The following SLC1A3 variants were observed in gnomAD, a reference collection of about 807,000 sequenced individuals.
SLC1A3 encodes the protein excitatory amino acid transporter 1.
Under a neutral mutation model 48.1 loss-of-function variants are expected in SLC1A3, and 21 were observed. The observed-to-expected ratio is 0.44, with a 90% CI of 0.31 to 0.63. The LOEUF is 0.63. Among genes scored for constraint, SLC1A3 ranks in the 20% least tolerant of loss-of-function variants. The pLI is 0.08. For synonymous variants in SLC1A3, 239 were observed against 251.4 expected, an observed-to-expected ratio of 0.95 and a Z score of 0.47; for missense variants, 546 against 689.0, an observed-to-expected ratio of 0.79 and a Z score of 2.32.
At chr5:36,683,787 T>G (rs1390362640) in intron 8 of SLC1A3, 77 bp from the exon 9 acceptor site, 1 of 1,503,632 alleles carries the variant, frequency 6.7e-7, no homozygotes, top group Non-Finnish European at 9.3e-7. Flanking sequence ...ATCGGCACCG[T>G]GCGTATTTTG....
At chr5:36,600,285 T>C (rs1296707925) in intron 1 of SLC1A3, among the ~76,000 whole-genome samples, 1 of 152,096 alleles carries the variant, frequency 6.6e-6, no homozygotes, top group Non-Finnish European at 1.5e-5. Flanking sequence ...TGTTTCATCA[T>C]GAGATTTGAT....
intron 2 of SLC1A3, among the ~76,000 whole-genome samples, chr5:36,627,164 CA>C (rs1739937546): frequency 6.6e-6 from 1 of 152,120 alleles, no homozygotes; most frequent in Non-Finnish European, 1.5e-5. Flanking sequence ...TATACACACA[CA>C]CACACGTACG....
intron 3 of SLC1A3, among the ~76,000 whole-genome samples, chr5:36,647,314 AC>A (rs1385263835): frequency 6.6e-6 from 1 of 152,186 alleles, no homozygotes; most frequent in African/African-American, 2.4e-5. Flanking sequence ...TCATAATGAA[AC>A]CTACTTAGAG....
At chr5:36,632,853 T>C (rs938812488) in intron 3 of SLC1A3, among the ~76,000 whole-genome samples, 3 of 152,242 alleles carry the variant, frequency 2.0e-5, no homozygotes, top group African/African-American at 7.2e-5. Context: ...ATAGCCCTTG[T>C]AAGCCATGTT....
chr5:36,680,356 A>G (rs2111970272), intron 7 of SLC1A3, 39 bp from the exon 8 acceptor site: 2 of 1,555,642 alleles, frequency 1.3e-6, no homozygotes, highest in Middle Eastern at 1.8e-4. Flanking sequence ...CAGAACTACC[A>G]GGACACTCAG....
intron 2 of SLC1A3, among the ~76,000 whole-genome samples, chr5:36,621,404 G>T (rs781490750): frequency 5.9e-5 from 9 of 152,122 alleles, no homozygotes; most frequent in Non-Finnish European, 1.0e-4. Flanking sequence ...AGGGGGGCTT[G>T]CCAGGAGCAC....
chr5:36,623,014 C>CAA (rs1158762437), intron 2 of SLC1A3, among the ~76,000 whole-genome samples: 538 of 51,644 alleles, frequency 0.01, 7 homozygotes, highest in Non-Finnish European at 0.017. Flanking sequence ...TCCATCATCT[C>CAA]AAAAAAAAAA....
At chr5:36,628,401 G>A (rs534756473) in intron 2 of SLC1A3, among the ~76,000 whole-genome samples, 9 of 152,128 alleles carry the variant, frequency 5.9e-5, no homozygotes, top group African/African-American at 1.9e-4. Context: ...TATCATTCCC[G>A]CTTCTCCCCA....
intron 2 of SLC1A3, among the ~76,000 whole-genome samples, chr5:36,612,582 C>A (rs1484830883): frequency 2.0e-5 from 3 of 147,972 alleles, no homozygotes; most frequent in Non-Finnish European, 4.5e-5. Context: ...GAGCGAGACC[C>A]TGTCTCCAAA....
At chr5:36,616,118 C>T (rs555099906) in intron 2 of SLC1A3, among the ~76,000 whole-genome samples, 27 of 152,180 alleles carry the variant, frequency 1.8e-4, no homozygotes, top group South Asian at 4.1e-4. Flanking sequence ...TTGCTTGAAC[C>T]GGGAAGGAGG....
At chr5:36,651,811 CTTAAG>C (rs1161823556) in intron 3 of SLC1A3, among the ~76,000 whole-genome samples, 1 of 152,078 alleles carries the variant, frequency 6.6e-6, no homozygotes, top group Non-Finnish European at 1.5e-5. Flanking sequence ...TCCAGAGAGT[CTTAAG>C]TTATTTTATA....
At chr5:36,660,543 G>A (rs1238670468) in intron 3 of SLC1A3, among the ~76,000 whole-genome samples, 1 of 152,192 alleles carries the variant, frequency 6.6e-6, no homozygotes, top group Non-Finnish European at 1.5e-5. Flanking sequence ...GCTGCCCTTG[G>A]ACCTGGGGGC....
In SLC1A3 at chr5:36,686,302, G is replaced by C. The variant is rs2229894; in HGVS notation, c.*33G>C. On this transcript the variant is annotated 3_prime_UTR_variant, in exon 10 of 10. Transcript: ENST00000265113. ...TAAAGAAACACTTTCTTGAGCACCA[G>C]GTGTTAAAAACCATTATAAAATCTT... is the stretch of plus-strand genomic sequence containing the variant. The C allele has an allele frequency of 6.7e-7, 1 of 1,500,452 alleles. No individual in the cohort carries two copies. The highest frequency in any genetic ancestry group is 1.1e-5 in the South Asian group (1 of 88,766). 92.9% of individuals were successfully genotyped at this position (1,500,452 alleles called of 1,614,324 possible).
chr5:36,636,307 G>C (rs1297681459), intron 3 of SLC1A3: 2 of 152,138 alleles, frequency 1.3e-5, no homozygotes, highest in Admixed American at 1.3e-4. Context: ...CATGGTATCA[G>C]TGACATGGGT....
upstream of SLC1A3, among the ~76,000 whole-genome samples, chr5:36,606,187 G>A (rs1479778158): frequency 2.0e-5 from 3 of 152,122 alleles, no homozygotes; most frequent in Non-Finnish European, 4.4e-5. Context: ...TTAATTCCCC[G>A]ATTCGAAAAA....
chr5:36,612,528 G>A (rs543923190), intron 2 of SLC1A3, among the ~76,000 whole-genome samples: 1 of 152,042 alleles, frequency 6.6e-6, no homozygotes, highest in African/African-American at 2.4e-5. Flanking sequence ...GGTTGAGGCT[G>A]CAGTGAGCCA....
intron 2 of SLC1A3, among the ~76,000 whole-genome samples, chr5:36,612,068 C>T (rs545890935): frequency 1.3e-3 from 188 of 148,628 alleles, no homozygotes; most frequent in Middle Eastern, 3.5e-3. Flanking sequence ...TTGGCGCACG[C>T]GCACACACAC....
chr5:36,670,917 T>C lies in SLC1A3; in HGVS notation c.320-112T>C, dbSNP rs1741964711. 8.6e-6 allele frequency: 8 copies of C among 927,910 alleles called. No homozygotes were observed. In the Admixed American group the frequency reaches 1.2e-4, roughly 14 times the overall value. The allele number at this position is 927,910 out of a possible 1,614,324, so 57.5% of individuals were successfully genotyped here. Reference sequence around the variant, plus strand: ...TTCTCACAACATGTACGAAATCCCATGGCTGGGTGGGATAAGGGTAGGGGA... The same window carrying C: ...TTCTCACAACATGTACGAAATCCCACGGCTGGGTGGGATAAGGGTAGGGGA... On this transcript the variant is annotated intron_variant, in intron 3 of 9. Transcript: ENST00000265113.
At chr5:36,622,854 T>TA (rs1202230789) in intron 2 of SLC1A3, among the ~76,000 whole-genome samples, 1 of 82,572 alleles carries the variant, frequency 1.2e-5, no homozygotes, top group East Asian at 4.0e-4. Flanking sequence ...TAAAAAAAAA[T>TA]ACAAAAAATT....
Sources: gnomAD v4.1 joint callset for allele counts (sites outside exome capture counted in the v4.1 genomes callset) on GRCh38, gnomAD v4.1.1 for gene constraint, MANE v1.5 for transcripts, NCBI Gene and HGNC (gene_info 2026-07-23, HGNC 2026-07-21) for gene names.